GEMIN8: variants seen among roughly 807,000 people sequenced by gnomAD.
GEMIN8 encodes the protein gem nuclear organelle associated protein 8, also known as gem-associated protein 8.
For synonymous variants in GEMIN8, 80 were observed against 78.5 expected (o/e 1.02, Z -0.10); for missense variants, 185 against 205.9 (o/e 0.90, Z 0.62).
chrX:13,987,131 C>T, the GEMIN8 span, among the ~76,000 whole-genome samples: 1 of 111,436 alleles, frequency 9.0e-6, no homozygotes, highest in African/African-American at 3.3e-5. Flanking sequence ...TTCTACTGCA[C>T]TCACTCCAGG....
chrX:13,995,520 T>C, the GEMIN8 span, among the ~76,000 whole-genome samples: 3 of 111,893 alleles, frequency 2.7e-5, no homozygotes, highest in African/African-American at 6.5e-5. Flanking sequence ...CACACAGATA[T>C]GTCCTTTTAT....
chrX:14,021,814 GTATATATATATATATA>G (rs147147045), intron 2 of GEMIN8, among the ~76,000 whole-genome samples: 29,592 of 78,158 alleles, frequency 0.38, 3,625 homozygotes, highest in African/African-American at 0.47. Context: ...TAATGTGTGT[GTATATATATATATATA>G]TATATATATA....
chrX:14,016,376 A>G (rs894028856), intron 4 of GEMIN8, among the ~76,000 whole-genome samples: 2 of 112,219 alleles, frequency 1.8e-5, no homozygotes, highest in African/African-American at 6.5e-5. Flanking sequence ...AAATTTTATC[A>G]AGCAAGAATA....
rs1923972885 is a variant in GEMIN8, at chrX:14,016,956, T to C, written c.472+3122A>G. Among the ~76,000 whole-genome samples the C allele has an allele frequency of 2.9e-5, 3 of 104,775 alleles. No individual in the cohort carries two copies. In the South Asian group the frequency reaches 1.3e-3, roughly 47 times the overall value. The allele number at this position is 104,775 out of a possible 115,157, so 91.0% of individuals were successfully genotyped here. On this transcript the variant is annotated intron_variant, in intron 4 of 4. Transcript: ENST00000680255. The stretch of plus-strand genomic sequence containing the variant: ...TATCAGAGAAAAACCAATTTATGGT[T>C]AATAATCCATGTTAAAGGATGGGTT...
chrX:14,006,193 T>A (rs766297064), downstream of GEMIN8, among the ~76,000 whole-genome samples: 8 of 110,707 alleles, frequency 7.2e-5, no homozygotes, highest in Non-Finnish European at 1.5e-4. Flanking sequence ...CACACCTGGC[T>A]TATTTTTGTA....
chrX:14,002,035 C>A (rs767418777), downstream of GEMIN8, among the ~76,000 whole-genome samples: 2 of 97,256 alleles, frequency 2.1e-5, no homozygotes, highest in Admixed American at 1.2e-4. Flanking sequence ...GTGGGAGAAA[C>A]CTTTGAACCC....
intron 4 of GEMIN8, among the ~76,000 whole-genome samples, chrX:14,011,909 G>A (rs1015018187): frequency 1.8e-5 from 2 of 109,980 alleles, no homozygotes; most frequent in Non-Finnish European, 3.8e-5. Context: ...TTCTCTTATT[G>A]TTGACATCTG....
downstream of GEMIN8, among the ~76,000 whole-genome samples, chrX:14,005,136 C>G (rs1351780237): frequency 9.0e-6 from 1 of 111,188 alleles, no homozygotes; most frequent in African/African-American, 3.3e-5. Flanking sequence ...GTTCCTGACA[C>G]AGAGCTCCTA....
the GEMIN8 span, among the ~76,000 whole-genome samples, chrX:13,996,737 A>C: frequency 9.0e-6 from 1 of 111,508 alleles, no homozygotes; most frequent in African/African-American, 3.3e-5. Flanking sequence ...CTTGCAAAAA[A>C]GGCTGCAATA....
At chrX:14,009,272 C>T (rs41311807) in intron 4 of GEMIN8, 103 bp from the exon 5 acceptor site, 31 of 776,975 alleles carry the variant, frequency 4.0e-5, no homozygotes, top group Non-Finnish European at 5.8e-5. Flanking sequence ...ATCTGCAGCC[C>T]CCTAAGGTCC....
At chrX:14,003,893 G>A (rs717566), downstream of GEMIN8, among the ~76,000 whole-genome samples, 94 of 112,307 alleles carry the variant, frequency 8.4e-4, no homozygotes, top group African/African-American at 3.0e-3. Flanking sequence ...TTTAACCCTA[G>A]AAATGAAGTG....
downstream of GEMIN8, among the ~76,000 whole-genome samples, chrX:14,005,626 A>C (rs1923120787): frequency 1.9e-5 from 2 of 106,169 alleles, no homozygotes; most frequent in Admixed American, 2.0e-4. Context: ...CCCAAAGAGG[A>C]GGTCGTGGGA....
In GEMIN8 at chrX:14,020,340, A is replaced by T. The variant is rs1924222845; in HGVS notation, c.210T>A (p.Ala70=). 3 of 1,208,756 alleles carry T rather than the reference A, an allele frequency of 2.5e-6. No homozygotes were observed. In the African/African-American group the frequency reaches 5.2e-5, roughly 21 times the overall value. The change falls in exon 4 of 5, where the codon GCT becomes GCA. Residue 70 remains alanine, a synonymous_variant. Coordinates refer to ENST00000680255, the MANE Select transcript of GEMIN8 (RefSeq NM_001042479.2). ...GGTCATAGAAGGACTGAGGATACGC[A>T]GCCTCATTATCGTAAGAGCTTTGGG... The part of the protein sequence containing the change: ...LLPQSSYDNE[A]AYPQSFYDHH...
At chrX:14,001,534 T>C in the GEMIN8 span, among the ~76,000 whole-genome samples, 15 of 111,015 alleles carry the variant, frequency 1.4e-4, no homozygotes, top group African/African-American at 4.3e-4. Context: ...GCGCTTTTTT[T>C]CCCCTGAGAC....
At chrX:14,027,282 G>C (rs1219553521) in intron 1 of GEMIN8, 1 of 113,136 alleles carries the variant, frequency 8.8e-6, no homozygotes, top group African/African-American at 3.2e-5. Context: ...GCTGAGGCTG[G>C]CAAGCTCATC....
chrX:14,014,364 GTCT>G (rs1326898580), intron 4 of GEMIN8: 1 of 749,588 alleles, frequency 1.3e-6, no homozygotes, highest in East Asian at 1.5e-4. Flanking sequence ...TTTCAGACTG[GTCT>G]TCTCTCTTCG....
At chrX:14,001,758 G>A (rs1446412456), downstream of GEMIN8, among the ~76,000 whole-genome samples, 1 of 110,460 alleles carries the variant, frequency 9.1e-6, no homozygotes, top group Non-Finnish European at 1.9e-5. Flanking sequence ...TGATCTGCTC[G>A]CCTCGGCCTC....
Position 14,026,121 on chromosome X carries a change from T to C in GEMIN8, c.-34+19A>G. The C allele has an allele frequency of 1.3e-6, 1 of 746,123 alleles. No homozygotes were observed. The highest frequency in any genetic ancestry group is 1.6e-6 in the Non-Finnish European group (1 of 631,411). The allele number at this position is 746,123 out of a possible 1,213,427, so 61.5% of individuals were successfully genotyped here. On this transcript the variant is annotated intron_variant, in intron 2 of 4. Coordinates refer to ENST00000680255, the MANE Select transcript of GEMIN8 (RefSeq NM_001042479.2). ...CCTTTGGTCTTTAATGGTCTTTAAT[T>C]CGATCTTTCATTCCTCACCTCCCTG...
At position 14,007,302 on chromosome X, in the gene GEMIN8, C is replaced by T. The variant is rs1332832137; in HGVS notation, c.*1611G>A. ...GTCAATACTAAATCTTTTCACCAGC[C>T]TTTGATGGATGTGCTAATCTTCTCA... On this transcript the variant is annotated 3_prime_UTR_variant, in exon 5 of 5. Coordinates refer to ENST00000680255, the MANE Select transcript of GEMIN8 (RefSeq NM_001042479.2). Among the ~76,000 whole-genome samples, 1 of 111,664 alleles carries T rather than the reference C, an allele frequency of 9.0e-6. No homozygotes were observed. Among genetic ancestry groups the T allele is most frequent in the Non-Finnish European group, 1.9e-5 (1 of 53,126 alleles).
Sources: gnomAD v4.1 joint callset for allele counts (sites outside exome capture counted in the v4.1 genomes callset) on GRCh38, gnomAD v4.1.1 for gene constraint, MANE v1.5 for transcripts, NCBI Gene and HGNC (gene_info 2026-07-23, HGNC 2026-07-21) for gene names.